Variants in CALN1 observed in about 807,000 individuals in gnomAD.
CALN1 encodes calcium-binding protein 8.
A neutral mutation model predicts 30.6 loss-of-function variants in CALN1; 17 were observed. The ratio of observed to expected loss-of-function variants is 0.56; its 90% CI spans 0.38 to 0.83. CALN1 has a LOEUF of 0.83. Among genes scored for constraint, CALN1 ranks in the 40% least tolerant of loss-of-function variants. The pLI, the probability that CALN1 is intolerant of heterozygous loss-of-function variation, is 0.00. For missense variants in CALN1, 291 were observed against 354.9 expected (o/e 0.82, Z 1.45); for synonymous variants, 156 against 131.4 (o/e 1.19, Z -1.28).
the CALN1 span, among the ~76,000 whole-genome samples, chr7:72,496,245 C>T: frequency 6.6e-6 from 1 of 152,110 alleles, no homozygotes; most frequent in Non-Finnish European, 1.5e-5. Flanking sequence ...TACACCTTTT[C>T]CTTTTTGCTT....
chr7:71,823,883 A>C (rs1468914578), intron 5 of CALN1, among the ~76,000 whole-genome samples: 5 of 152,174 alleles, frequency 3.3e-5, no homozygotes, highest in Non-Finnish European at 5.9e-5. Flanking sequence ...GTGGCAGGTA[A>C]GAGAGAGAAC....
chr7:72,066,512 A>C (rs1050247330), intron 4 of CALN1, among the ~76,000 whole-genome samples: 1 of 152,078 alleles, frequency 6.6e-6, no homozygotes, highest in Non-Finnish European at 1.5e-5. Flanking sequence ...TTTTTGATAA[A>C]AGTGAATGTT....
At chr7:72,396,109 G>A (rs1805921033) in intron 2 of CALN1, among the ~76,000 whole-genome samples, 1 of 151,470 alleles carries the variant, frequency 6.6e-6, no homozygotes, top group Non-Finnish European at 1.5e-5. Flanking sequence ...GATTAAGAAG[G>A]AAGTCAGGCC....
At chr7:71,888,470 A>C (rs1455864879) in intron 5 of CALN1, among the ~76,000 whole-genome samples, 1 of 148,076 alleles carries the variant, frequency 6.8e-6, no homozygotes, top group African/African-American at 2.5e-5. Flanking sequence ...TTAAAAAAAA[A>C]AAAAAAAGCA....
chr7:71,781,892 G>A lies in CALN1; in HGVS notation c.*5883C>T, dbSNP rs1792738249. 2 of 152,146 alleles carry A rather than the reference G, an allele frequency of 1.3e-5. No homozygotes were observed. The highest frequency in any genetic ancestry group is 4.1e-4 in the South Asian group (2 of 4,824). 9.4% of individuals were successfully genotyped at this position (152,146 alleles called of 1,614,324 possible). A position where few individuals can be genotyped will look rare whatever the true frequency, so the allele number is the denominator to read the frequency against. On this transcript the variant is annotated 3_prime_UTR_variant, in exon 7 of 7. Coordinates refer to ENST00000395275, the MANE Select transcript of CALN1 (RefSeq NM_031468.4). ...GAGGACTGTCTTGTGGGTGGGACTG[G>A]AAAAACCTCATTCTTTGTGATATAT...
At chr7:72,449,910 C>G (rs144328169), upstream of CALN1, among the ~76,000 whole-genome samples, 785 of 129,868 alleles carry the variant, frequency 6.0e-3, 8 homozygotes, top group African/African-American at 0.02. Flanking sequence ...AAAGAATATT[C>G]GGTCAGCTAT....
the CALN1 span, among the ~76,000 whole-genome samples, chr7:72,467,638 T>C: frequency 6.6e-6 from 1 of 152,170 alleles, no homozygotes; most frequent in Non-Finnish European, 1.5e-5. Flanking sequence ...TGGCCGTCCA[T>C]AGCCCCGACC....
the CALN1 span, among the ~76,000 whole-genome samples, chr7:72,482,285 A>G: frequency 6.6e-6 from 1 of 152,160 alleles, no homozygotes; most frequent in African/African-American, 2.4e-5. Context: ...GGCAATATAT[A>G]AAGGGTTCTT....
intron 2 of CALN1, among the ~76,000 whole-genome samples, chr7:72,375,168 A>G (rs1804483435): frequency 6.6e-6 from 1 of 152,200 alleles, no homozygotes; most frequent in South Asian, 2.1e-4. Flanking sequence ...TGTCTAGGGC[A>G]AAAGTCTTGG....
intron 5 of CALN1, among the ~76,000 whole-genome samples, chr7:71,926,596 C>G (rs1795283119): frequency 6.6e-6 from 1 of 152,148 alleles, no homozygotes; most frequent in South Asian, 2.1e-4. Context: ...CTGTCCCTAT[C>G]TCTTTCTAAT....
the CALN1 span, among the ~76,000 whole-genome samples, chr7:72,465,379 C>G: frequency 6.6e-6 from 1 of 152,196 alleles, no homozygotes; most frequent in African/African-American, 2.4e-5. Context: ...AGCTTCTGGG[C>G]TCTGTCTTCC....
In CALN1 at chr7:72,205,549, A is replaced by T. The variant is rs918989797; in HGVS notation, c.244+73137T>A. Among the ~76,000 whole-genome samples the T allele has an allele frequency of 3.3e-4, 20 of 59,920 alleles. 1 individual carries two copies. Among genetic ancestry groups the T allele is most frequent in the Non-Finnish European group, 4.6e-4 (18 of 39,322 alleles). The allele number at this position is 59,920 out of a possible 152,430, so 39.3% of individuals were successfully genotyped here. A position where few individuals can be genotyped will look rare whatever the true frequency, so the allele number is the denominator to read the frequency against. On this transcript the variant is annotated intron_variant, in intron 3 of 6. Coordinates refer to ENST00000395275, the MANE Select transcript of CALN1 (RefSeq NM_031468.4). ...GTATTTTTCTCCTGATTGCAAAAAA[A>T]AAATATATATATATATATGTATATA...
At chr7:72,312,611 C>G (rs1800131883) in intron 2 of CALN1, among the ~76,000 whole-genome samples, 2 of 151,814 alleles carry the variant, frequency 1.3e-5, no homozygotes, top group South Asian at 4.2e-4. Context: ...CAAAATGTAA[C>G]TTTGGAAAAG....
chr7:72,205,551 A>AAAAATATACATATATATATATATATAT, intron 3 of CALN1, among the ~76,000 whole-genome samples: 3 of 83,042 alleles, frequency 3.6e-5, no homozygotes, highest in South Asian at 4.9e-4. Context: ...GCAAAAAAAA[A>AAAAATATACATATATATATATATATAT]ATATATATAT....
chr7:72,279,673 G>A (rs1264354126), intron 2 of CALN1, among the ~76,000 whole-genome samples: 1 of 152,244 alleles, frequency 6.6e-6, no homozygotes, highest in Non-Finnish European at 1.5e-5. Flanking sequence ...CAATGGAAGA[G>A]AATGGAAGAA....
intron 3 of CALN1, among the ~76,000 whole-genome samples, chr7:72,233,226 A>G (rs1258785579): frequency 6.6e-6 from 1 of 151,570 alleles, no homozygotes; most frequent in Non-Finnish European, 1.5e-5. Context: ...CTGTGGAGAA[A>G]GGCATGGAGG....
At chr7:71,858,782 T>C (rs965167635) in intron 5 of CALN1, among the ~76,000 whole-genome samples, 11 of 152,162 alleles carry the variant, frequency 7.2e-5, no homozygotes, top group Non-Finnish European at 1.2e-4. Context: ...TTTCCCGACC[T>C]AACCAATGTA....
chr7:72,013,924 G>A (rs1452742648), intron 5 of CALN1, among the ~76,000 whole-genome samples: 2 of 151,884 alleles, frequency 1.3e-5, no homozygotes, highest in African/African-American at 4.8e-5. Flanking sequence ...AAATCACAGG[G>A]TTTGAACATA....
chr7:72,117,991 G>A (rs1336643541), intron 3 of CALN1, among the ~76,000 whole-genome samples: 1 of 151,218 alleles, frequency 6.6e-6, no homozygotes, highest in Non-Finnish European at 1.5e-5. Context: ...AAGAATCACT[G>A]TTGACCCTGG....
Sources: allele counts gnomAD v4.1 joint callset (sites outside exome capture counted in the v4.1 genomes callset), GRCh38; gene constraint gnomAD v4.1.1; transcripts MANE v1.5; gene names NCBI Gene and HGNC (gene_info 2026-07-23, HGNC 2026-07-21).